The following RCAN1 variants were observed in gnomAD, a reference collection of about 807,000 sequenced individuals.
RCAN1 encodes the protein calcipressin-1.
A neutral mutation model predicts 22.9 loss-of-function variants in RCAN1; 11 were observed. The ratio of observed to expected loss-of-function variants is 0.48; its 90% confidence interval spans 0.30 to 0.79. RCAN1 has a LOEUF of 0.79. Ranked by LOEUF, RCAN1 falls within the 30% of genes least tolerant of loss-of-function variation. The pLI, the probability that RCAN1 is intolerant of heterozygous loss-of-function variation, is 0.06. For missense variants in RCAN1, 291 were observed against 337.8 expected (o/e 0.86, Z 1.09); for synonymous variants, 136 against 142.3 (o/e 0.96, Z 0.32).
At chr21:34,541,933 C>T (rs1601155588) in intron 1 of RCAN1, among the ~76,000 whole-genome samples, 1 of 151,198 alleles carries the variant, frequency 6.6e-6, no homozygotes, top group South Asian at 2.1e-4. Context: ...GACTCCATCT[C>T]AAAAAAAATA....
chr21:34,555,792 G>A (rs1051307758), intron 1 of RCAN1, among the ~76,000 whole-genome samples: 8 of 151,752 alleles, frequency 5.3e-5, no homozygotes, highest in Non-Finnish European at 1.2e-4. Flanking sequence ...GCCGGGCACC[G>A]TGGCTCAAAC....
intron 1 of RCAN1, among the ~76,000 whole-genome samples, chr21:34,534,572 A>G (rs1040690789): frequency 6.6e-6 from 1 of 152,218 alleles, no homozygotes; most frequent in Non-Finnish European, 1.5e-5. Flanking sequence ...CAAAATTCGG[A>G]GAACTGCACC....
At chr21:34,541,670 C>T (rs2040122) in intron 1 of RCAN1, among the ~76,000 whole-genome samples, 49,142 of 152,208 alleles carry the variant, frequency 0.32, 9,760 homozygotes, top group East Asian at 0.52. Context: ...AGCGATGGCT[C>T]ACGCCTGTAA....
chr21:34,519,766 C>T (rs543307221), intron 3 of RCAN1, among the ~76,000 whole-genome samples: 2 of 152,276 alleles, frequency 1.3e-5, no homozygotes, highest in East Asian at 3.9e-4. Context: ...TGATTTCCGC[C>T]CGACAAGAGC....
At chr21:34,529,505 T>A (rs930378867) in intron 1 of RCAN1, among the ~76,000 whole-genome samples, 1 of 152,238 alleles carries the variant, frequency 6.6e-6, no homozygotes, top group Non-Finnish European at 1.5e-5. Context: ...AGAGTCTGTC[T>A]TTGACTGCAT....
intron 1 of RCAN1, among the ~76,000 whole-genome samples, chr21:34,582,392 C>G (rs1221360613): frequency 2.6e-5 from 4 of 152,060 alleles, no homozygotes; most frequent in Non-Finnish European, 5.9e-5. Flanking sequence ...GAATGGTGCG[C>G]TCGCTTAGCT....
rs1330285580 is a variant in RCAN1 at position 34,614,812 on chromosome 21, G to A, written c.200C>T (p.Ala67Val). The A allele has an allele frequency of 6.7e-7, 1 of 1,490,766 alleles. No homozygotes were observed. The highest frequency in any genetic ancestry group is 2.1e-5 in the Admixed American group (1 of 48,498). 92.3% of individuals were successfully genotyped at this position (1,490,766 alleles called of 1,614,324 possible). The change falls in exon 1 of 4, where the codon GCC (alanine) becomes GTC (valine). Residue 67 changes from alanine to valine, a missense_variant. Coordinates refer to ENST00000313806, the MANE Select transcript of RCAN1 (RefSeq NM_004414.7). This position sits in a 1 kb window ranked among gnomAD's most constrained non-coding sequence, Gnocchi z 6.0. ...EEVDLQDLPS[A>V]TIACHLDPRV... ...CGGGTCCAGGTGACAGGCGATGGTGGCGCTGGGCAGGTCCTGCAGGTCCAC... is the reference window on the plus strand; with the variant it reads ...CGGGTCCAGGTGACAGGCGATGGTGACGCTGGGCAGGTCCTGCAGGTCCAC...
In RCAN1 at chr21:34,556,194, C is replaced by T. The variant is rs974686748; in HGVS notation, c.253-32484G>A. On this transcript the variant is annotated intron_variant, in intron 1 of 3. Coordinates refer to ENST00000313806, the MANE Select transcript of RCAN1 (RefSeq NM_004414.7). ...ATCTCAGCACTTTGGGAGGCTGAGG[C>T]GGGAGGATAGCTTGAGCTCAGGAGT... Among the ~76,000 whole-genome samples, 7 of 148,710 alleles carry T rather than the reference C, an allele frequency of 4.7e-5. No homozygotes were observed. In the East Asian group the frequency reaches 5.9e-4, roughly 13 times the overall value.
intron 1 of RCAN1, among the ~76,000 whole-genome samples, chr21:34,528,647 C>G (rs929390839): frequency 1.3e-5 from 2 of 152,170 alleles, no homozygotes; most frequent in Non-Finnish European, 2.9e-5. Flanking sequence ...CAGACACAGT[C>G]CTGCATTCCA....
intron 1 of RCAN1, among the ~76,000 whole-genome samples, chr21:34,586,543 T>C (rs1388800480): frequency 2.6e-5 from 4 of 152,196 alleles, no homozygotes; most frequent in South Asian, 2.1e-4. Context: ...GCAAAAGCCA[T>C]ACTTAGAGGT....
chr21:34,541,589 G>A (rs1365192317), intron 1 of RCAN1, among the ~76,000 whole-genome samples: 3 of 152,206 alleles, frequency 2.0e-5, no homozygotes, highest in Non-Finnish European at 4.4e-5. Flanking sequence ...ATTAACGGAT[G>A]TCCTGGATTT....
chr21:34,578,377 A>G (rs1035216245), intron 1 of RCAN1, among the ~76,000 whole-genome samples: 1 of 152,200 alleles, frequency 6.6e-6, no homozygotes, highest in African/African-American at 2.4e-5. Flanking sequence ...CATTAGATTG[A>G]GAAACTTGAG....
At chr21:34,572,081 A>G (rs1316825838) in intron 1 of RCAN1, among the ~76,000 whole-genome samples, 1 of 152,226 alleles carries the variant, frequency 6.6e-6, no homozygotes, top group Non-Finnish European at 1.5e-5. Flanking sequence ...GAAAATCTGC[A>G]GAATTCACCT....
intron 1 of RCAN1, among the ~76,000 whole-genome samples, chr21:34,538,680 C>A (rs1490238857): frequency 6.6e-6 from 1 of 152,106 alleles, no homozygotes; most frequent in Non-Finnish European, 1.5e-5. Flanking sequence ...GAGGATGAGA[C>A]GACCCTTATC....
chr21:34,545,929 G>C (rs1326640050), intron 1 of RCAN1, among the ~76,000 whole-genome samples: 1 of 152,206 alleles, frequency 6.6e-6, no homozygotes, highest in Non-Finnish European at 1.5e-5. Flanking sequence ...AGAAAAGAAT[G>C]ACCTCTTTTA....
chr21:34,526,174 C>G (rs755737349), intron 1 of RCAN1, among the ~76,000 whole-genome samples: 24 of 152,330 alleles, frequency 1.6e-4, no homozygotes, highest in Non-Finnish European at 3.2e-4. Context: ...CTTAATTTCT[C>G]CAGTTTTATT....
chr21:34,599,741 A>T (rs1014016128), intron 1 of RCAN1, among the ~76,000 whole-genome samples: 2 of 152,124 alleles, frequency 1.3e-5, no homozygotes, highest in Non-Finnish European at 2.9e-5. Context: ...CGCCTCTGTG[A>T]TTTGAGGCGT....
At chr21:34,536,866 G>T (rs572685953) in intron 1 of RCAN1, among the ~76,000 whole-genome samples, 7 of 152,284 alleles carry the variant, frequency 4.6e-5, no homozygotes, top group African/African-American at 1.7e-4. Context: ...GGTCAGAAAT[G>T]GTTTTCTGTT....
At chr21:34,561,152 A>G (rs1986777277) in intron 1 of RCAN1, among the ~76,000 whole-genome samples, 1 of 152,142 alleles carries the variant, frequency 6.6e-6, no homozygotes, top group South Asian at 2.1e-4. Flanking sequence ...CATGATTGTA[A>G]GTTTCCTGAG....
Sources: allele counts gnomAD v4.1 joint callset (sites outside exome capture counted in the v4.1 genomes callset), GRCh38; gene constraint gnomAD v4.1.1; non-coding constraint Gnocchi (gnomAD v3.1); transcripts MANE v1.5; gene names NCBI Gene and HGNC (gene_info 2026-07-23, HGNC 2026-07-21).